Variants in LRCH3 observed in about 807,000 individuals in gnomAD.
LRCH3 encodes the protein leucine rich repeats and calponin homology domain containing 3, also known as DISP complex protein LRCH3.
In LRCH3, 68 loss-of-function variants were observed where a neutral mutation model predicts 104.5. That is an observed-to-expected ratio of 0.65 (90% confidence interval 0.54 to 0.80). The LOEUF (loss-of-function observed/expected upper bound fraction) is 0.80, where lower values mean the gene tolerates loss of function less well. Ranked by LOEUF, LRCH3 falls within the 30% of genes least tolerant of loss-of-function variation. The probability of loss-of-function intolerance (pLI) is 0.00; values close to 1 mark genes in which losing one functional copy is unlikely to be tolerated. For synonymous variants in LRCH3, 344 were observed against 361.3 expected (o/e 0.95, Z 0.54); for missense variants, 951 against 953.9 (o/e 1.00, Z 0.04).
chr3:197,808,490 T>A (rs1278337966), intron 1 of LRCH3, among the ~76,000 whole-genome samples: 6 of 152,222 alleles, frequency 3.9e-5, no homozygotes, highest in African/African-American at 1.4e-4. Flanking sequence ...TCTTTTAGAT[T>A]ACATCTGCTG....
Position 197,887,110 on chromosome 3 carries a change from G to A in LRCH3, c.*3444G>A, listed in dbSNP as rs554598773. Reference sequence around the variant, plus strand: ...TCTCTTTTTTCAAACCCTCTGCAGAGGTAGGAAGGTATGAATTTCTTTTTT... The same window carrying A: ...TCTCTTTTTTCAAACCCTCTGCAGAAGTAGGAAGGTATGAATTTCTTTTTT... On this transcript the variant is annotated 3_prime_UTR_variant, in exon 21 of 21. Transcript: ENST00000425562. 6.6e-6 allele frequency: 1 copy of A among 151,932 alleles called. No homozygotes were observed. Among genetic ancestry groups the A allele is most frequent in the Admixed American group, 6.5e-5 (1 of 15,272 alleles). 9.4% of individuals were successfully genotyped at this position (151,932 alleles called of 1,614,324 possible). A position where few individuals can be genotyped will look rare whatever the true frequency, so the allele number is the denominator to read the frequency against.
At position 197,858,901 on chromosome 3, in the gene LRCH3, T is replaced by C. The variant is rs752982613; in HGVS notation, c.1712T>C (p.Leu571Pro). ...CCTCATTCTTCTGCCTTCACGCCTCTTAAGGTATCTCTTGTTATTGTAATT... is the reference window on the plus strand; with the variant it reads ...CCTCATTCTTCTGCCTTCACGCCTCCTAAGGTATCTCTTGTTATTGTAATT... The part of the protein sequence containing the change: ...TLPHSSAFTP[L>P]KSDDRPNALL... Residue 571 changes from leucine to proline, a missense_variant, in exon 15 of 21, where the codon CTT (leucine) becomes CCT (proline). Leu to Pro is a moderately conservative substitution (Grantham distance 98). Coordinates refer to ENST00000425562, the MANE Select transcript of LRCH3 (RefSeq NM_001365715.1). The C allele has an allele frequency of 3.7e-6, 6 of 1,612,922 alleles. No individual in the cohort carries two copies. The highest frequency in any genetic ancestry group is 4.2e-6 in the Non-Finnish European group (5 of 1,178,850).
chr3:197,814,445 T>C (rs893033690), intron 1 of LRCH3, among the ~76,000 whole-genome samples: 3 of 152,218 alleles, frequency 2.0e-5, no homozygotes, highest in Non-Finnish European at 4.4e-5. Context: ...ATCACCAGTT[T>C]ACAAGATAGT....
chr3:197,870,329 C>A lies in LRCH3; in HGVS notation c.1992+51C>A, dbSNP rs753791638. 1.1e-5 allele frequency: 17 copies of A among 1,521,502 alleles called. No homozygotes were observed. The South Asian group carries it at 1.6e-4, about 15-fold the overall frequency. 94.3% of individuals were successfully genotyped at this position (1,521,502 alleles called of 1,614,324 possible). On this transcript the variant is annotated intron_variant, in intron 18 of 20. Transcript: ENST00000425562. Reference sequence around the variant, plus strand: ...CTTTTTCAGTATTACTGCTATAGATCATAATCCTGTGATCACGTCTTCATT... The same window carrying A: ...CTTTTTCAGTATTACTGCTATAGATAATAATCCTGTGATCACGTCTTCATT...
Position 197,817,332 on chromosome 3 carries a change from G to GTGTGTGTGTATTT in LRCH3, c.534+39_534+40insATTTTGTGTGTGT, listed in dbSNP as rs1198859502. The GTGTGTGTGTATTT allele has an allele frequency of 3.8e-5, 18 of 479,852 alleles. 3 individuals carry two copies. The highest frequency in any genetic ancestry group is 5.7e-5 in the South Asian group (2 of 35,216). The allele number at this position is 479,852 out of a possible 1,614,324, so 29.7% of individuals were successfully genotyped here. A position where few individuals can be genotyped will look rare whatever the true frequency, so the allele number is the denominator to read the frequency against. On this transcript the variant is annotated intron_variant, in intron 3 of 20. Coordinates refer to ENST00000425562, the MANE Select transcript of LRCH3 (RefSeq NM_001365715.1). Reference sequence around the variant, plus strand: ...GTTAATATTTTTGATTGTCCAACATGTGTGTGTGTGTGTCTGTGTGTGTGT... The same window carrying GTGTGTGTGTATTT: ...GTTAATATTTTTGATTGTCCAACATGTGTGTGTGTATTTTGTGTGTGTGTGTCTGTGTGTGTGT...
At chr3:197,848,192 G>A in intron 12 of LRCH3, 171 bp downstream of exon 12, 2 of 602,574 alleles carry the variant, frequency 3.3e-6, no homozygotes, top group Non-Finnish European at 5.8e-6. Flanking sequence ...CATGAGGACA[G>A]AACAAGTGAT....
At chr3:197,849,825 G>T (rs1739323438) in intron 12 of LRCH3, among the ~76,000 whole-genome samples, 1 of 152,128 alleles carries the variant, frequency 6.6e-6, no homozygotes, top group South Asian at 2.1e-4. Flanking sequence ...AATGCTGGTT[G>T]TACAAGGAAT....
intron 9 of LRCH3, among the ~76,000 whole-genome samples, chr3:197,837,988 C>G (rs914759515): frequency 6.6e-6 from 1 of 151,568 alleles, no homozygotes; most frequent in African/African-American, 2.4e-5. Context: ...TGAACCTGGG[C>G]AGCGGACATT....
chr3:197,848,374 C>T (rs1739073558), intron 12 of LRCH3: 1 of 174,448 alleles, frequency 5.7e-6, no homozygotes, highest in East Asian at 1.6e-4. Context: ...CTCCAGCTTC[C>T]TCGCTTTTGT....
In LRCH3 at chr3:197,883,334, C is replaced by G. The variant is rs1460905901; in HGVS notation, c.2209-207C>G. The G allele has an allele frequency of 7.4e-7, 1 of 1,359,628 alleles. No individual in the cohort carries two copies. The highest frequency in any genetic ancestry group is 1.5e-5 in the African/African-American group (1 of 67,780). The allele number at this position is 1,359,628 out of a possible 1,614,324, so 84.2% of individuals were successfully genotyped here. ...CAATTTTGAAAATGATCTGTATGTACTTTTAGTTGTATTAATAAAGTGACA... is the reference window on the plus strand; with the variant it reads ...CAATTTTGAAAATGATCTGTATGTAGTTTTAGTTGTATTAATAAAGTGACA... On this transcript the variant is annotated intron_variant, in intron 20 of 20. Coordinates refer to ENST00000425562, the MANE Select transcript of LRCH3 (RefSeq NM_001365715.1). This position sits in a 1 kb window ranked among gnomAD's most constrained non-coding sequence, Gnocchi z 4.2.
chr3:197,822,999 T>C (rs2109230320), intron 4 of LRCH3: 1 of 150,826 alleles, frequency 6.6e-6, no homozygotes, highest in East Asian at 2.0e-4. Context: ...TACTTCTTTT[T>C]TTTTTTTTGA....
intron 7 of LRCH3, 29 bp from the exon 8 acceptor site, chr3:197,832,168 G>A: frequency 6.2e-7 from 1 of 1,601,464 alleles, no homozygotes; most frequent in Non-Finnish European, 8.5e-7. Flanking sequence ...TAAAATGATT[G>A]TTTTTAATGT....
chr3:197,872,529 G>C (rs1370983689), intron 19 of LRCH3, among the ~76,000 whole-genome samples: 2 of 152,154 alleles, frequency 1.3e-5, no homozygotes, highest in Non-Finnish European at 2.9e-5. Flanking sequence ...CCAGGAGTTT[G>C]AGACCAGCTT....
chr3:197,791,615 G>C, intron 1 of LRCH3, 75 bp downstream of exon 1: 1 of 1,449,236 alleles, frequency 6.9e-7, no homozygotes, highest in Non-Finnish European at 9.0e-7. Flanking sequence ...GGAGGCGGAT[G>C]CGGGGGAGTT....
chr3:197,879,452 C>A (rs575098765), intron 20 of LRCH3, among the ~76,000 whole-genome samples: 1 of 151,272 alleles, frequency 6.6e-6, no homozygotes, highest in African/African-American at 2.5e-5. Context: ...CGAGACCATC[C>A]TGGCTAACAT....
chr3:197,882,456 T>G, intron 20 of LRCH3: 1 of 947,922 alleles, frequency 1.1e-6, no homozygotes, highest in Non-Finnish European at 1.3e-6. Context: ...AAAATACTTG[T>G]TATATATTTT....
intron 9 of LRCH3, among the ~76,000 whole-genome samples, chr3:197,837,549 A>G (rs558242202): frequency 1.3e-5 from 2 of 152,298 alleles, no homozygotes; most frequent in East Asian, 3.9e-4. Flanking sequence ...ACACTATCTA[A>G]AAATGGAATG....
At chr3:197,795,693 T>G (rs950270998) in intron 1 of LRCH3, among the ~76,000 whole-genome samples, 5 of 136,030 alleles carry the variant, frequency 3.7e-5, no homozygotes, top group African/African-American at 5.7e-5. Context: ...GTTGTTTTTT[T>G]TTTTTTTTTT....
Position 197,854,313 on chromosome 3 carries a change from T to A in LRCH3, c.1591-79T>A. The A allele has an allele frequency of 8.4e-7, 1 of 1,185,120 alleles. No homozygotes were observed. The highest frequency in any genetic ancestry group is 1.2e-5 in the South Asian group (1 of 82,510). 73.4% of individuals were successfully genotyped at this position (1,185,120 alleles called of 1,614,324 possible). A position where few individuals can be genotyped will look rare whatever the true frequency, so the allele number is the denominator to read the frequency against. ...GTATGTCTTAATATGTCTCTTCCCT[T>A]GTGTGTGTATTCGTGAAATACGTCA... On this transcript the variant is annotated intron_variant, in intron 13 of 20. Transcript: ENST00000425562. This position sits in a 1 kb window ranked among gnomAD's most constrained non-coding sequence, Gnocchi z 4.5.
Sources: gnomAD v4.1 joint callset for allele counts (sites outside exome capture counted in the v4.1 genomes callset) on GRCh38, gnomAD v4.1.1 for gene constraint, Gnocchi (gnomAD v3.1) non-coding constraint, MANE v1.5 for transcripts, NCBI Gene and HGNC (gene_info 2026-07-23, HGNC 2026-07-21) for gene names.